SPAG16: variants seen among roughly 807,000 people sequenced by gnomAD.
SPAG16 encodes the protein sperm-associated antigen 16 protein.
A neutral mutation model predicts 80.4 loss-of-function variants in SPAG16; 86 were observed. The ratio of observed to expected loss-of-function variants is 1.07; its 90% CI spans 0.90 to 1.28. The LOEUF is 1.28. SPAG16 is among the 50% of genes most tolerant of loss of function. The pLI is 0.00. For missense variants in SPAG16, 870 were observed against 765.3 expected (o/e 1.14, Z -1.61); for synonymous variants, 294 against 265.9 (o/e 1.11, Z -1.03).
At chr2:213,876,879 A>G (rs1007905896) in intron 11 of SPAG16, among the ~76,000 whole-genome samples, 1 of 152,208 alleles carries the variant, frequency 6.6e-6, no homozygotes, top group Non-Finnish European at 1.5e-5. Flanking sequence ...GGCTTTAAAG[A>G]GATTTTACAA....
intron 13 of SPAG16, among the ~76,000 whole-genome samples, chr2:214,039,518 A>C (rs1255181454): frequency 2.0e-5 from 3 of 152,224 alleles, no homozygotes; most frequent in African/African-American, 7.2e-5. Context: ...CAGGCAACCT[A>C]CAGAATGGGA....
intron 11 of SPAG16, among the ~76,000 whole-genome samples, chr2:213,924,412 T>C (rs1180516554): frequency 2.0e-5 from 3 of 152,182 alleles, no homozygotes; most frequent in Non-Finnish European, 4.4e-5. Flanking sequence ...CTGCGCCACA[T>C]TGATCCCAGA....
rs765596222 is a variant in SPAG16, at chr2:213,715,783, A to G, written c.1071-146702A>G. Among the ~76,000 whole-genome samples the G allele has an allele frequency of 1.8e-4, 28 of 152,228 alleles. 1 individual carries two copies. The highest frequency in any genetic ancestry group is 6.5e-4 in the Admixed American group (10 of 15,276). ...TTTCCTCAGAAGAAGCTGATATTTC[A>G]TAAAGCTAGTTTATTGCTCTTATGC... On this transcript the variant is annotated intron_variant, in intron 10 of 15. Transcript: ENST00000331683.
At chr2:213,628,173 G>C (rs1392640100) in intron 10 of SPAG16, among the ~76,000 whole-genome samples, 2 of 152,144 alleles carry the variant, frequency 1.3e-5, no homozygotes, top group Non-Finnish European at 2.9e-5. Context: ...TATCCAGTTA[G>C]AGTTCAATTG....
At chr2:213,690,675 G>A (rs2064903582) in intron 10 of SPAG16, among the ~76,000 whole-genome samples, 2 of 152,222 alleles carry the variant, frequency 1.3e-5, no homozygotes, top group Non-Finnish European at 2.9e-5. Context: ...AAAGCAGGCA[G>A]AAGAAGAGGA....
chr2:213,779,203 CT>C (rs1469291742), intron 10 of SPAG16, among the ~76,000 whole-genome samples: 1 of 152,102 alleles, frequency 6.6e-6, no homozygotes, highest in Non-Finnish European at 1.5e-5. Flanking sequence ...CCTCCAACTT[CT>C]TTTTTTCCAG....
chr2:213,470,054 C>T (rs1464274012), intron 9 of SPAG16, among the ~76,000 whole-genome samples: 3 of 152,098 alleles, frequency 2.0e-5, no homozygotes, highest in Non-Finnish European at 4.4e-5. Flanking sequence ...CTTCCACTTC[C>T]ACCCCTTGAT....
intron 9 of SPAG16, among the ~76,000 whole-genome samples, chr2:213,449,535 G>A (rs2071562125): frequency 6.6e-6 from 1 of 152,138 alleles, no homozygotes; most frequent in Admixed American, 6.6e-5. Context: ...ACCCCTCGCG[G>A]CCCAGATGTA....
At chr2:213,755,985 T>G (rs944368238) in intron 10 of SPAG16, among the ~76,000 whole-genome samples, 1 of 152,098 alleles carries the variant, frequency 6.6e-6, no homozygotes, top group Non-Finnish European at 1.5e-5. Flanking sequence ...AAAATCCCTA[T>G]CTAATGAAAT....
chr2:213,362,879 C>T (rs900738818), intron 7 of SPAG16, among the ~76,000 whole-genome samples: 4 of 152,084 alleles, frequency 2.6e-5, no homozygotes, highest in Non-Finnish European at 4.4e-5. Context: ...AGAGATCTGC[C>T]TCCATGACCC....
At chr2:213,594,755 A>G (rs1292071172) in intron 10 of SPAG16, among the ~76,000 whole-genome samples, 1 of 152,200 alleles carries the variant, frequency 6.6e-6, no homozygotes, top group African/African-American at 2.4e-5. Context: ...GACACACAGG[A>G]GACAATTAAC....
At chr2:213,937,912 C>A (rs1027940) in intron 12 of SPAG16, among the ~76,000 whole-genome samples, 103,732 of 151,754 alleles carry the variant, frequency 0.68, 35,845 homozygotes, top group South Asian at 0.86. Context: ...GGTAAATGTC[C>A]TTAGGATTTT....
intron 11 of SPAG16, among the ~76,000 whole-genome samples, chr2:213,875,396 C>A (rs13416548): frequency 6.6e-6 from 1 of 151,610 alleles, no homozygotes; most frequent in African/African-American, 2.4e-5. Context: ...TCTGAAGAAG[C>A]GAAAAGGGAT....
intron 9 of SPAG16, among the ~76,000 whole-genome samples, chr2:213,473,794 T>A (rs1038261614): frequency 2.0e-5 from 3 of 152,182 alleles, no homozygotes; most frequent in African/African-American, 7.2e-5. Context: ...GATTTCTGTT[T>A]ATATAAATTA....
At chr2:213,964,769 C>G (rs1019453534) in intron 12 of SPAG16, among the ~76,000 whole-genome samples, 1 of 152,140 alleles carries the variant, frequency 6.6e-6, no homozygotes, top group Non-Finnish European at 1.5e-5. Context: ...CTTTTAAACC[C>G]TCTGTTTAAT....
intron 10 of SPAG16, among the ~76,000 whole-genome samples, chr2:213,748,177 C>G (rs528796810): frequency 6.6e-6 from 1 of 152,144 alleles, no homozygotes; most frequent in South Asian, 2.1e-4. Flanking sequence ...CAGCATAGTT[C>G]ATGAATTTCA....
rs78490342 is a variant in SPAG16, at chr2:213,976,324, G to T, written c.1401-37627G>T. Among the ~76,000 whole-genome samples the T allele has an allele frequency of 6.6e-5, 10 of 150,594 alleles. No individual in the cohort carries two copies. The East Asian group carries it at 1.2e-3, about 18-fold the overall frequency. ...TACACATGTGTGCGCATATGTGTAC[G>T]CATGTGTGCACATATATATATATCA... On this transcript the variant is annotated intron_variant, in intron 12 of 15. Coordinates refer to ENST00000331683, the MANE Select transcript of SPAG16 (RefSeq NM_024532.5).
intron 15 of SPAG16, among the ~76,000 whole-genome samples, chr2:214,279,142 G>T (rs1225751221): frequency 1.4e-5 from 2 of 147,614 alleles, no homozygotes; most frequent in South Asian, 2.1e-4. Flanking sequence ...CTGTCTTCAG[G>T]TTGGAGTGCA....
At chr2:213,516,901 A>G (rs1233781796) in intron 10 of SPAG16, among the ~76,000 whole-genome samples, 1 of 152,222 alleles carries the variant, frequency 6.6e-6, no homozygotes, top group Non-Finnish European at 1.5e-5. Flanking sequence ...TAATGAATTT[A>G]TTTAATTCAC....
Sources: gnomAD v4.1 joint callset for allele counts (sites outside exome capture counted in the v4.1 genomes callset) on GRCh38, gnomAD v4.1.1 for gene constraint, MANE v1.5 for transcripts, NCBI Gene and HGNC (gene_info 2026-07-23, HGNC 2026-07-21) for gene names.